Variants in CSRNP3 observed in about 807,000 individuals in gnomAD.
CSRNP3 encodes cysteine and serine rich nuclear protein 3, also known as cysteine/serine-rich nuclear protein 3.
In CSRNP3, 12 loss-of-function variants were observed where a neutral mutation model predicts 48.0. The ratio of observed to expected loss-of-function variants is 0.25; its 90% CI spans 0.16 to 0.41. The LOEUF (loss-of-function observed/expected upper bound fraction) is 0.41. Among genes scored for constraint, CSRNP3 ranks in the 10% least tolerant of loss-of-function variants. CSRNP3 has a pLI of 1.00. For synonymous variants in CSRNP3, 263 were observed against 269.7 expected (o/e 0.98, Z 0.24); for missense variants, 580 against 724.4 (o/e 0.80, Z 2.29).
chr2:165,588,700 A>T (rs1343663104), intron 3 of CSRNP3, among the ~76,000 whole-genome samples: 5 of 152,126 alleles, frequency 3.3e-5, no homozygotes, highest in African/African-American at 1.2e-4. Flanking sequence ...GATGGCTGCA[A>T]TCCCAGCACT....
intron 4 of CSRNP3, among the ~76,000 whole-genome samples, chr2:165,617,362 C>G (rs1322120019): frequency 6.6e-6 from 1 of 150,716 alleles, no homozygotes; most frequent in East Asian, 1.9e-4. Flanking sequence ...GGATAGGGTA[C>G]TTTAGTTTTG....
At chr2:165,591,721 T>A (rs1241822670) in intron 3 of CSRNP3, among the ~76,000 whole-genome samples, 1 of 152,200 alleles carries the variant, frequency 6.6e-6, no homozygotes, top group Non-Finnish European at 1.5e-5. Flanking sequence ...CCACATGGTG[T>A]TGAGCCTGTG....
At chr2:165,612,443 G>A (rs1686154432) in intron 4 of CSRNP3, among the ~76,000 whole-genome samples, 1 of 151,872 alleles carries the variant, frequency 6.6e-6, no homozygotes, top group African/African-American at 2.4e-5. Flanking sequence ...ATCCTCTCTT[G>A]TAGCTTTCTG....
Position 165,485,391 on chromosome 2 carries a change from G to T in CSRNP3, c.-282-9368G>T, listed in dbSNP as rs572190609. ...AATTTCCAAATAGTCTCCTATAACT[G>T]ATAAACATAAGGTACAACAACATTT... is the stretch of plus-strand genomic sequence containing the variant. On this transcript the variant is annotated intron_variant, in intron 1 of 6. Coordinates refer to ENST00000651982, the MANE Select transcript of CSRNP3 (RefSeq NM_001172173.2). 2.0e-5 allele frequency among the ~76,000 whole-genome samples: 3 copies of T among 152,268 alleles called. No homozygotes were observed. In the South Asian group the frequency reaches 6.2e-4, roughly 32 times the overall value.
chr2:165,515,095 G>A (rs1399268620), intron 2 of CSRNP3, among the ~76,000 whole-genome samples: 56 of 151,894 alleles, frequency 3.7e-4, no homozygotes, highest in Admixed American at 3.5e-3. Context: ...TGAGACGGGC[G>A]GATCATGAGG....
chr2:165,561,370 A>G (rs1188921630), intron 3 of CSRNP3, among the ~76,000 whole-genome samples: 1 of 152,076 alleles, frequency 6.6e-6, no homozygotes, highest in African/African-American at 2.4e-5. Flanking sequence ...GGACACACGA[A>G]CCCCCTAAAA....
At chr2:165,564,762 G>A (rs1685276861) in intron 3 of CSRNP3, among the ~76,000 whole-genome samples, 1 of 151,942 alleles carries the variant, frequency 6.6e-6, no homozygotes, top group East Asian at 1.9e-4. Flanking sequence ...TAGGAAATAT[G>A]TATATATCCT....
chr2:165,546,359 A>C (rs1685025362), intron 3 of CSRNP3, among the ~76,000 whole-genome samples: 1 of 151,956 alleles, frequency 6.6e-6, no homozygotes, highest in Non-Finnish European at 1.5e-5. Flanking sequence ...GGCCCAGCTA[A>C]CTTTTGTATT....
intron 3 of CSRNP3, among the ~76,000 whole-genome samples, chr2:165,578,758 G>A (rs1051217281): frequency 1.4e-4 from 22 of 151,998 alleles, no homozygotes; most frequent in Admixed American, 1.4e-3. Flanking sequence ...GATAGAAAAA[G>A]CTTTTATTGT....
At position 165,478,487 on chromosome 2, in the gene CSRNP3, A is replaced by G. The variant is rs191852749; in HGVS notation, c.-283+8747A>G. Among the ~76,000 whole-genome samples, 25 of 152,346 alleles carry G rather than the reference A, an allele frequency of 1.6e-4. No homozygotes were observed. In the East Asian group the frequency reaches 3.7e-3, roughly 22 times the overall value. On this transcript the variant is annotated intron_variant, in intron 1 of 6. Coordinates refer to ENST00000651982, the MANE Select transcript of CSRNP3 (RefSeq NM_001172173.2). The stretch of plus-strand genomic sequence containing the variant: ...CCAAAGAGGTTTTACTTCCAAAAGC[A>G]TGATTCCATTTTGTTTAAACTTCTT...
intron 3 of CSRNP3, among the ~76,000 whole-genome samples, chr2:165,526,967 A>C (rs1253384935): frequency 1.3e-5 from 2 of 152,342 alleles, no homozygotes; most frequent in East Asian, 3.9e-4. Context: ...CAATGTGTAC[A>C]AAGAGGTTTG....
intron 1 of CSRNP3, among the ~76,000 whole-genome samples, chr2:165,474,029 A>C (rs1169238751): frequency 1.3e-5 from 2 of 152,216 alleles, no homozygotes. Context: ...ACTTATTTCC[A>C]ATAAGCTCTT....
Position 165,678,808 on chromosome 2 carries a change from A to G in CSRNP3, c.813A>G (p.Thr271=). The G allele has an allele frequency of 6.2e-7, 1 of 1,614,108 alleles. No individual in the cohort carries two copies. ...GTGTTCGGACTCACTTTTTGCACAC[A>G]ATAATGAAACTTGAACTGGAGAAAA... ...PIRVRTHFLH[T]IMKLELEKNR... Residue 271 remains threonine, a synonymous_variant, in exon 7 of 7, where the codon ACA becomes ACG. Coordinates refer to ENST00000651982, the MANE Select transcript of CSRNP3 (RefSeq NM_001172173.2).
At chr2:165,657,678 C>A in intron 4 of CSRNP3, 83 bp from the exon 5 acceptor site, 12 of 1,533,064 alleles carry the variant, frequency 7.8e-6, no homozygotes, top group Non-Finnish European at 1.1e-5. Context: ...CAGATAGATT[C>A]AAGATCACCA....
intron 5 of CSRNP3, among the ~76,000 whole-genome samples, chr2:165,663,386 G>A (rs914398135): frequency 6.6e-6 from 1 of 152,156 alleles, no homozygotes; most frequent in Non-Finnish European, 1.5e-5. Context: ...CTTCCGGAAT[G>A]CATCCCCAAA....
At chr2:165,610,509 T>C (rs146709093) in intron 4 of CSRNP3, among the ~76,000 whole-genome samples, 17 of 152,358 alleles carry the variant, frequency 1.1e-4, no homozygotes, top group African/African-American at 4.1e-4. Flanking sequence ...TCTGATGCCA[T>C]GGCTAATAGT....
Position 165,675,997 on chromosome 2 carries a change from T to C in CSRNP3, c.409-315T>C, listed in dbSNP as rs371501649. 1.5e-4 allele frequency among the ~76,000 whole-genome samples: 23 copies of C among 152,352 alleles called. No homozygotes were observed. The South Asian group carries it at 4.6e-3, about 30-fold the overall frequency. On this transcript the variant is annotated intron_variant, in intron 5 of 6. Coordinates refer to ENST00000651982, the MANE Select transcript of CSRNP3 (RefSeq NM_001172173.2). Reference sequence around the variant, plus strand: ...AAATGAGTCTAAAGATAGTTTTCACTGATGAGCATTTGTAACCTTTGGTGT... The same window carrying C: ...AAATGAGTCTAAAGATAGTTTTCACCGATGAGCATTTGTAACCTTTGGTGT...
At chr2:165,657,678 C>G (rs1459124039) in intron 4 of CSRNP3, 83 bp from the exon 5 acceptor site, 1 of 1,532,946 alleles carries the variant, frequency 6.5e-7, no homozygotes, top group African/African-American at 1.4e-5. Context: ...CAGATAGATT[C>G]AAGATCACCA....
At chr2:165,650,550 A>G (rs6737106) in intron 4 of CSRNP3, among the ~76,000 whole-genome samples, 6,514 of 152,298 alleles carry the variant, frequency 0.043, 423 homozygotes, top group African/African-American at 0.14. Flanking sequence ...TAATTTCTAT[A>G]CAAAATAATT....
Sources: allele counts gnomAD v4.1 joint callset (sites outside exome capture counted in the v4.1 genomes callset), GRCh38; gene constraint gnomAD v4.1.1; transcripts MANE v1.5; gene names NCBI Gene and HGNC (gene_info 2026-07-23, HGNC 2026-07-21).